Variants in GALNT14 observed in about 807,000 individuals in gnomAD.
GALNT14 encodes the protein polypeptide N-acetylgalactosaminyltransferase 14.
A neutral mutation model predicts 77.5 loss-of-function variants in GALNT14; 60 were observed. That is an observed-to-expected ratio of 0.77 (90% CI 0.63 to 0.96). GALNT14 has a LOEUF of 0.96. Among genes scored for constraint, GALNT14 ranks in the 40% least tolerant of loss-of-function variants. The pLI, the probability that GALNT14 is intolerant of heterozygous loss-of-function variation, is 0.00. For synonymous variants in GALNT14, 280 were observed against 281.7 expected (o/e 0.99, Z 0.06); for missense variants, 710 against 731.0 (o/e 0.97, Z 0.33).
chr2:30,951,647 CGCACACACAT>C (rs907525150), intron 6 of GALNT14, among the ~76,000 whole-genome samples: 1 of 152,214 alleles, frequency 6.6e-6, no homozygotes, highest in African/African-American at 2.4e-5. Context: ...ACACAAAACA[CGCACACACAT>C]GCACGCACAC....
intron 2 of GALNT14, among the ~76,000 whole-genome samples, chr2:30,989,328 C>G (rs1004731954): frequency 5.3e-5 from 8 of 151,764 alleles, no homozygotes; most frequent in Non-Finnish European, 8.8e-5. Flanking sequence ...TCCTCTGCCC[C>G]CCTCACCATC....
chr2:31,062,475 G>T (rs538312691), intron 1 of GALNT14, among the ~76,000 whole-genome samples: 1 of 152,264 alleles, frequency 6.6e-6, no homozygotes, highest in East Asian at 1.9e-4. Context: ...TGGGCATTTG[G>T]GTTGGTTCCA....
At chr2:31,085,046 T>C (rs1448770343) in intron 1 of GALNT14, among the ~76,000 whole-genome samples, 2 of 150,468 alleles carry the variant, frequency 1.3e-5, no homozygotes, top group East Asian at 1.9e-4. Flanking sequence ...AAAAGTAACA[T>C]GTGTGACACG....
At chr2:31,050,090 A>G (rs1267776929) in intron 1 of GALNT14, among the ~76,000 whole-genome samples, 1 of 152,174 alleles carries the variant, frequency 6.6e-6, no homozygotes, top group Non-Finnish European at 1.5e-5. Flanking sequence ...TTTGGTGGCC[A>G]GAGTCCTGCG....
intron 1 of GALNT14, among the ~76,000 whole-genome samples, chr2:31,031,201 G>A (rs544852583): frequency 1.3e-5 from 2 of 152,080 alleles, no homozygotes; most frequent in Admixed American, 6.5e-5. Flanking sequence ...TCACTTAAGG[G>A]GTGAACCTCT....
chr2:30,927,618 A>G (rs1329319792), intron 11 of GALNT14, among the ~76,000 whole-genome samples: 1 of 152,218 alleles, frequency 6.6e-6, no homozygotes, highest in Non-Finnish European at 1.5e-5. Flanking sequence ...GAGACAGAGA[A>G]GGATGCTGCA....
intron 1 of GALNT14, among the ~76,000 whole-genome samples, chr2:30,994,477 T>C (rs1669901905): frequency 1.3e-5 from 2 of 152,298 alleles, no homozygotes; most frequent in South Asian, 4.1e-4. Context: ...CTCTGTTACC[T>C]CCTTTTTAAA....
chr2:30,987,321 T>A (rs929679959), intron 2 of GALNT14, among the ~76,000 whole-genome samples: 1 of 152,144 alleles, frequency 6.6e-6, no homozygotes, highest in Non-Finnish European at 1.5e-5. Flanking sequence ...AGGGCATGCC[T>A]GCGAAGCTGT....
At chr2:30,897,040 G>C in the GALNT14 span, among the ~76,000 whole-genome samples, 3 of 152,060 alleles carry the variant, frequency 2.0e-5, no homozygotes, top group Non-Finnish European at 4.4e-5. Flanking sequence ...GCCTTCAGTG[G>C]CTCACCGCTA....
intron 3 of GALNT14, among the ~76,000 whole-genome samples, chr2:30,960,117 C>T (rs888847647): frequency 1.1e-4 from 17 of 152,242 alleles, no homozygotes; most frequent in African/African-American, 3.6e-4. Context: ...AACACAAAGT[C>T]GTGAGCTCAC....
At chr2:31,004,366 C>T (rs920627180) in intron 1 of GALNT14, among the ~76,000 whole-genome samples, 1 of 152,216 alleles carries the variant, frequency 6.6e-6, no homozygotes, top group African/African-American at 2.4e-5. Context: ...GCACTGAGAA[C>T]AGGAACCAGT....
At chr2:31,130,783 T>TGTGTGTGTGTGTGTGC (rs1181788023) in intron 1 of GALNT14, among the ~76,000 whole-genome samples, 20 of 118,674 alleles carry the variant, frequency 1.7e-4, no homozygotes, top group African/African-American at 6.9e-4. Context: ...TGTGTGTGTG[T>TGTGTGTGTGTGTGTGC]GCGCGCGCAC....
At chr2:30,923,410 T>C (rs893366084) in intron 13 of GALNT14, among the ~76,000 whole-genome samples, 4 of 152,174 alleles carry the variant, frequency 2.6e-5, no homozygotes, top group Admixed American at 6.5e-5. Context: ...AATTTGTCAG[T>C]GACCTTTAAA....
At chr2:31,000,060 G>A (rs772994380) in intron 1 of GALNT14, among the ~76,000 whole-genome samples, 1 of 152,182 alleles carries the variant, frequency 6.6e-6, no homozygotes, top group Non-Finnish European at 1.5e-5. Context: ...TGTCCAGGTG[G>A]AACAGGTTGT....
rs759633341 is a variant in GALNT14, at chr2:30,911,007, A to C, written c.1553T>G (p.Leu518Arg). ...GCCATCACCGAACATATCTGTATCG[A>C]GGCAGAGGTGGGATGCTATGTGCTC... ...HIEHIASHLC[L>R]DTDMFGDGTE... Residue 518 changes from leucine (L) to arginine (R), a missense_variant, in exon 15 of 15, where the codon CTC (leucine) becomes CGC (arginine). By Grantham distance (102) the Leu-to-Arg change is moderately radical. Transcript: ENST00000349752. 3.1e-6 allele frequency: 5 copies of C among 1,613,860 alleles called. No homozygotes were observed. Among genetic ancestry groups the C allele is most frequent in the Non-Finnish European group, 4.2e-6 (5 of 1,179,990 alleles).
intron 2 of GALNT14, among the ~76,000 whole-genome samples, chr2:30,985,050 G>T (rs1254340733): frequency 4.4e-4 from 6 of 13,664 alleles, no homozygotes; most frequent in Non-Finnish European, 6.4e-4. Flanking sequence ...AGCTCCTAGG[G>T]CCCACTAGGC....
intron 1 of GALNT14, among the ~76,000 whole-genome samples, chr2:31,051,440 G>T (rs1673858771): frequency 6.6e-6 from 1 of 151,968 alleles, no homozygotes; most frequent in Admixed American, 6.5e-5. Flanking sequence ...AAGGAAAATT[G>T]CCTCAAGGCT....
intron 1 of GALNT14, among the ~76,000 whole-genome samples, chr2:31,051,447 G>A (rs1169100599): frequency 3.3e-5 from 5 of 152,174 alleles, no homozygotes; most frequent in African/African-American, 1.2e-4. Flanking sequence ...ATTGCCTCAA[G>A]GCTGCAACAC....
chr2:31,083,774 C>T (rs1676273296), intron 1 of GALNT14, among the ~76,000 whole-genome samples: 1 of 152,180 alleles, frequency 6.6e-6, no homozygotes, highest in East Asian at 1.9e-4. Flanking sequence ...GCACTGCTGC[C>T]CTGTGCTAGG....
Sources: gnomAD v4.1 joint callset for allele counts (sites outside exome capture counted in the v4.1 genomes callset) on GRCh38, gnomAD v4.1.1 for gene constraint, MANE v1.5 for transcripts, NCBI Gene and HGNC (gene_info 2026-07-23, HGNC 2026-07-21) for gene names.